The following KPNA5 variants were observed in gnomAD, a reference collection of about 807,000 sequenced individuals.
KPNA5 encodes the protein karyopherin subunit alpha 5.
A neutral mutation model predicts 71.3 loss-of-function variants in KPNA5; 46 were observed. That is an observed-to-expected ratio of 0.65 (90% CI 0.51 to 0.83). The LOEUF is 0.83. Among genes scored for constraint, KPNA5 ranks in the 40% least tolerant of loss-of-function variants. The probability of loss-of-function intolerance (pLI) is 0.00; values close to 1 mark genes in which losing one functional copy is unlikely to be tolerated. For missense variants in KPNA5, 547 were observed against 628.3 expected (o/e 0.87, Z 1.38); for synonymous variants, 207 against 201.4 (o/e 1.03, Z -0.24).
intron 1 of KPNA5, among the ~76,000 whole-genome samples, chr6:116,688,710 T>C (rs552916219): frequency 6.6e-6 from 1 of 152,272 alleles, no homozygotes; most frequent in East Asian, 1.9e-4. Flanking sequence ...AGTATACATG[T>C]ATTTTAGTAT....
At chr6:116,725,051 T>A (rs1267888442) in intron 10 of KPNA5, among the ~76,000 whole-genome samples, 3 of 152,352 alleles carry the variant, frequency 2.0e-5, no homozygotes, top group African/African-American at 2.4e-5. Flanking sequence ...ATTTGGATAC[T>A]AATCATAGTT....
rs1778893797 is a variant in KPNA5, at chr6:116,716,473, A to G, written c.756+155A>G. On this transcript the variant is annotated intron_variant, in intron 8 of 13. Coordinates refer to ENST00000368564, the MANE Select transcript of KPNA5 (RefSeq NM_001366306.2). ...CATATACAGTATTCAAAAGCTTTAC[A>G]ATATAAAGGAAGTGTCCCTTGTACT... Among the ~76,000 whole-genome samples, 3 of 152,348 alleles carry G rather than the reference A, an allele frequency of 2.0e-5. No individual in the cohort carries two copies. The South Asian group carries it at 6.2e-4, about 32-fold the overall frequency.
At chr6:116,706,581 C>T (rs561480930) in intron 7 of KPNA5, among the ~76,000 whole-genome samples, 3 of 152,190 alleles carry the variant, frequency 2.0e-5, no homozygotes, top group South Asian at 4.2e-4. Flanking sequence ...CCCAGCTACT[C>T]AAGAGGCTGA....
intron 13 of KPNA5, among the ~76,000 whole-genome samples, chr6:116,730,144 TGG>T (rs1779432804): frequency 6.8e-6 from 1 of 147,524 alleles, no homozygotes; most frequent in Non-Finnish European, 1.5e-5. Context: ...TGGAGTGCGG[TGG>T]TGTGGTCTTG....
intron 7 of KPNA5, among the ~76,000 whole-genome samples, chr6:116,711,453 A>C (rs181099636): frequency 1.1e-4 from 17 of 149,744 alleles, no homozygotes; most frequent in South Asian, 8.4e-4. Flanking sequence ...AACAACTATA[A>C]ATTTTTTTCT....
chr6:116,721,011 T>C (rs976851086), intron 8 of KPNA5, among the ~76,000 whole-genome samples: 1 of 152,212 alleles, frequency 6.6e-6, no homozygotes, highest in Non-Finnish European at 1.5e-5. Flanking sequence ...GGGTCATCTT[T>C]AGATGGTAAC....
chr6:116,681,433 C>T, intron 1 of KPNA5, 95 bp downstream of exon 1: 2 of 1,453,546 alleles, frequency 1.4e-6, no homozygotes, highest in Non-Finnish European at 1.8e-6. Context: ...TTATTTACCC[C>T]TTACTTTGCG....
In KPNA5 at chr6:116,698,718, A is replaced by G. The variant is rs1346626802; in HGVS notation, c.355A>G (p.Ile119Val). The G allele has an allele frequency of 6.3e-7, 1 of 1,584,260 alleles. No homozygotes were observed. The highest frequency in any genetic ancestry group is 2.3e-5 in the East Asian group (1 of 43,856). Reference sequence around the variant, plus strand: ...TAAATTTTTAGAACCTAATCCACCAATAGATCAAGTTATACAGAAACCAGG... The same window carrying G: ...TAAATTTTTAGAACCTAATCCACCAGTAGATCAAGTTATACAGAAACCAGG... Reference protein sequence around the residue: ...KLLSKEPNPPIDQVIQKPGVV... With the variant: ...KLLSKEPNPPVDQVIQKPGVV... The change falls in exon 5 of 14, where the codon ATA becomes GTA. Residue 119 changes from isoleucine to valine, a missense_variant. Transcript: ENST00000368564.
In KPNA5 at chr6:116,740,322, A is replaced by G. The variant is rs983217422; in HGVS notation, c.*7999A>G. On this transcript the variant is annotated 3_prime_UTR_variant, in exon 14 of 14. Coordinates refer to ENST00000368564, the MANE Select transcript of KPNA5 (RefSeq NM_001366306.2). Reference sequence around the variant, plus strand: ...CCATCTCACACCAGTCAGAATGGCAATCATTAAAAAGTCAGGAAACAACAG... The same window carrying G: ...CCATCTCACACCAGTCAGAATGGCAGTCATTAAAAAGTCAGGAAACAACAG... 6 of 152,214 alleles carry G rather than the reference A, an allele frequency of 3.9e-5. No individual in the cohort carries two copies. The highest frequency in any genetic ancestry group is 1.2e-4 in the African/African-American group (5 of 41,466). 9.4% of individuals were successfully genotyped at this position (152,214 alleles called of 1,614,324 possible).
chr6:116,719,795 A>G lies in KPNA5; in HGVS notation c.757-2331A>G, dbSNP rs768475042. On this transcript the variant is annotated intron_variant, in intron 8 of 13. Coordinates refer to ENST00000368564, the MANE Select transcript of KPNA5 (RefSeq NM_001366306.2). ...ATCCTGGGAGGTTGAGACAGCAGTG[A>G]GCTGTGATCATGCCACTGCACCTTG... 1.4e-4 allele frequency among the ~76,000 whole-genome samples: 21 copies of G among 152,298 alleles called. No individual in the cohort carries two copies. In the Middle Eastern group the frequency reaches 0.014, roughly 99 times the overall value.
Position 116,739,792 on chromosome 6 carries a change from A to G in KPNA5, c.*7469A>G, listed in dbSNP as rs189514637. 16 of 151,748 alleles carry G rather than the reference A, an allele frequency of 1.1e-4. No homozygotes were observed. Among genetic ancestry groups the G allele is most frequent in the South Asian group, 1.0e-3 (5 of 4,778 alleles). The allele number at this position is 151,748 out of a possible 1,614,324, so 9.4% of individuals were successfully genotyped here. A position where few individuals can be genotyped will look rare whatever the true frequency, so the allele number is the denominator to read the frequency against. ...ATGGTGCTGGGAAAACTGGCTAGCC[A>G]TATGTAGAAAGCTGAAACTGTATCC... is the stretch of plus-strand genomic sequence containing the variant. On this transcript the variant is annotated 3_prime_UTR_variant, in exon 14 of 14. Transcript: ENST00000368564.
chr6:116,689,503 G>T, intron 2 of KPNA5, 50 bp downstream of exon 2: 1 of 1,358,702 alleles, frequency 7.4e-7, no homozygotes, highest in Non-Finnish European at 9.9e-7. Context: ...TTAATTATTT[G>T]CTAATTATTG....
At chr6:116,711,877 T>C (rs965357540) in intron 7 of KPNA5, among the ~76,000 whole-genome samples, 2 of 152,212 alleles carry the variant, frequency 1.3e-5, no homozygotes, top group African/African-American at 4.8e-5. Context: ...TGCCTTGGTC[T>C]CCCGAAGTGT....
At position 116,687,880 on chromosome 6, in the gene KPNA5, A is replaced by C. The variant is rs914741522; in HGVS notation, c.5-1440A>C. On this transcript the variant is annotated intron_variant, in intron 1 of 13. Transcript: ENST00000368564. ...TATCTCTCTCTCTGAACTATGTAAA[A>C]ACAACCTTTTCCTTAATTTGTTTAA... Among the ~76,000 whole-genome samples the C allele has an allele frequency of 1.4e-4, 22 of 152,196 alleles. No homozygotes were observed. In the East Asian group the frequency reaches 4.0e-3, roughly 28 times the overall value.
chr6:116,731,997 G>T (rs115409792), intron 13 of KPNA5, 139 bp from the exon 14 acceptor site: 3,158 of 187,042 alleles, frequency 0.017, 128 homozygotes, highest in South Asian at 0.076. Context: ...AAATAGTCCC[G>T]TTGCCAGTGA....
chr6:116,719,219 A>G (rs1423775085), intron 8 of KPNA5, among the ~76,000 whole-genome samples: 1 of 151,722 alleles, frequency 6.6e-6, no homozygotes, highest in Non-Finnish European at 1.5e-5. Context: ...TTATAGTGTT[A>G]TTTGTTTGTT....
intron 2 of KPNA5, 60 bp downstream of exon 2, chr6:116,689,513 G>A: frequency 7.7e-6 from 10 of 1,305,422 alleles, no homozygotes; most frequent in Middle Eastern, 2.8e-4. Context: ...GCTAATTATT[G>A]GATAATTTTA....
At chr6:116,731,962 A>G (rs993071762) in intron 13 of KPNA5, among the ~76,000 whole-genome samples, 174 bp from the exon 14 acceptor site, 1 of 151,060 alleles carries the variant, frequency 6.6e-6, no homozygotes, top group African/African-American at 2.4e-5. Context: ...AGTGATGGCT[A>G]TCGGTATGTG....
chr6:116,683,672 C>T (rs931239399), intron 1 of KPNA5, among the ~76,000 whole-genome samples: 2 of 151,868 alleles, frequency 1.3e-5, no homozygotes, highest in Admixed American at 6.6e-5. Context: ...TTCCGCCTCC[C>T]GGGGTTCATG....
Sources: gnomAD v4.1 joint callset for allele counts (sites outside exome capture counted in the v4.1 genomes callset) on GRCh38, gnomAD v4.1.1 for gene constraint, MANE v1.5 for transcripts, NCBI Gene and HGNC (gene_info 2026-07-23, HGNC 2026-07-21) for gene names.